Variants in PDE3A observed in about 807,000 individuals in gnomAD.
PDE3A encodes the protein cGMP-inhibited 3',5'-cyclic phosphodiesterase 3A.
In PDE3A, 43 loss-of-function variants were observed where a neutral mutation model predicts 98.3. The observed-to-expected ratio is 0.44, with a 90% CI of 0.34 to 0.56. The LOEUF is 0.56. Among genes scored for constraint, PDE3A ranks in the 20% least tolerant of loss-of-function variants. The pLI is 0.01. For synonymous variants in PDE3A, 663 were observed against 567.9 expected (o/e 1.17, Z -2.38); for missense variants, 1,427 against 1,440.7 (o/e 0.99, Z 0.15).
intron 1 of PDE3A, among the ~76,000 whole-genome samples, chr12:20,410,078 C>CCA (rs1944306106): frequency 1.3e-5 from 2 of 152,190 alleles, no homozygotes; most frequent in African/African-American, 4.8e-5. Context: ...CCAAGTCTTG[C>CCA]TGTCCCCAGG....
intron 5 of PDE3A, among the ~76,000 whole-genome samples, chr12:20,626,904 G>A (rs1015389875): frequency 6.6e-6 from 1 of 152,142 alleles, no homozygotes; most frequent in Non-Finnish European, 1.5e-5. Context: ...TAAATTTGAT[G>A]TCTTAAAATC....
Position 20,652,412 on chromosome 12 carries a change from A to G in PDE3A, c.2926-1535A>G, listed in dbSNP as rs540900560. Reference sequence around the variant, plus strand: ...AGTGTAAAAGTGTTCCTATTTCTCCACATCCTCTCCAGCACCTGTTGTTTC... The same window carrying G: ...AGTGTAAAAGTGTTCCTATTTCTCCGCATCCTCTCCAGCACCTGTTGTTTC... On this transcript the variant is annotated intron_variant, in intron 14 of 15. Transcript: ENST00000359062. Among the ~76,000 whole-genome samples, 287 of 152,252 alleles carry G rather than the reference A, an allele frequency of 1.9e-3. 6 individuals carry two copies. Among genetic ancestry groups the G allele is most frequent in the Non-Finnish European group, 5.7e-4 (39 of 68,010 alleles).
chr12:20,665,866 T>C (rs2120370031), intron 15 of PDE3A, among the ~76,000 whole-genome samples: 1 of 152,238 alleles, frequency 6.6e-6, no homozygotes. Context: ...TACATATTTA[T>C]GTGGGGCACA....
chr12:20,490,574 C>T (rs1945809997), intron 1 of PDE3A, among the ~76,000 whole-genome samples: 4 of 152,046 alleles, frequency 2.6e-5, no homozygotes, highest in African/African-American at 7.2e-5. Context: ...ACTTAGACTC[C>T]AGTCCCCTAT....
intron 1 of PDE3A, among the ~76,000 whole-genome samples, chr12:20,439,767 G>A (rs573615875): frequency 9.9e-5 from 15 of 151,810 alleles, no homozygotes; most frequent in South Asian, 2.1e-4. Flanking sequence ...AAAGAAAATG[G>A]GACACCCTCC....
At chr12:20,654,660 CTTTTT>C (rs71442265) in intron 15 of PDE3A, among the ~76,000 whole-genome samples, 4 of 85,856 alleles carry the variant, frequency 4.7e-5, no homozygotes, top group African/African-American at 9.0e-5. Context: ...CTACACCCGG[CTTTTT>C]TTTTTTTTTT....
At position 20,681,127 on chromosome 12, in the gene PDE3A, G is replaced by C. The variant is rs1945771896; in HGVS notation, c.*856G>C. On this transcript the variant is annotated 3_prime_UTR_variant, in exon 16 of 16. Transcript: ENST00000359062. ...GCTGGGTGAGAGGGCCACGTGTTTG[G>C]TATTACATTACTGCTATGCACCACT... The C allele has an allele frequency of 1.3e-5, 2 of 152,074 alleles. No individual in the cohort carries two copies. Among genetic ancestry groups the C allele is most frequent in the Middle Eastern group, 3.4e-3 (1 of 294 alleles). The allele number at this position is 152,074 out of a possible 1,614,324, so 9.4% of individuals were successfully genotyped here.
At position 20,630,068 on chromosome 12, in the gene PDE3A, C is replaced by T; in HGVS notation, c.1701C>T (p.Tyr567=). Residue 567 remains tyrosine, a synonymous_variant, in exon 6 of 16, where the codon TAC becomes TAT. Transcript: ENST00000359062. The stretch of plus-strand genomic sequence containing the variant: ...TAGGTTCTCACAGGGCCTTAACTTA[C>T]ACTCAGAGTGCCCCAGACCTATCCC... The part of the protein sequence containing the change: ...QSLGSHRALT[Y]TQSAPDLSPQ... The T allele has an allele frequency of 6.2e-6, 10 of 1,613,956 alleles. No individual in the cohort carries two copies. The highest frequency in any genetic ancestry group is 6.8e-6 in the Non-Finnish European group (8 of 1,179,894).
chr12:20,369,960 C>G lies in PDE3A; in HGVS notation c.676C>G (p.Leu226Val). 3 of 1,613,502 alleles carry G rather than the reference C, an allele frequency of 1.9e-6. No homozygotes were observed. The highest frequency in any genetic ancestry group is 2.5e-6 in the Non-Finnish European group (3 of 1,180,002). ...GACTAGCGCGGTCAGGACCGTGTCCCTCATTTCCTTAGAGAGGTTCAAGGT... is the reference window on the plus strand; with the variant it reads ...GACTAGCGCGGTCAGGACCGTGTCCGTCATTTCCTTAGAGAGGTTCAAGGT... The part of the protein sequence containing the change: ...ALTSAVRTVS[L>V]ISLERFKVAW... Residue 226 changes from leucine to valine, a missense_variant, in exon 1 of 16, where the codon CTC becomes GTC. Transcript: ENST00000359062.
intron 1 of PDE3A, among the ~76,000 whole-genome samples, chr12:20,406,033 C>CA (rs1318286352): frequency 6.6e-6 from 1 of 152,156 alleles, no homozygotes; most frequent in Non-Finnish European, 1.5e-5. Context: ...CCATGTTGTG[C>CA]AAATAGTAGG....
chr12:20,404,171 T>C (rs1944186037), intron 1 of PDE3A, among the ~76,000 whole-genome samples: 1 of 152,198 alleles, frequency 6.6e-6, no homozygotes, highest in Non-Finnish European at 1.5e-5. Context: ...TCATATGGTA[T>C]ATTAATAGGA....
chr12:20,394,801 T>C (rs978869184), intron 1 of PDE3A, among the ~76,000 whole-genome samples: 3 of 151,988 alleles, frequency 2.0e-5, no homozygotes, highest in African/African-American at 7.2e-5. Context: ...TGCCTGAAGA[T>C]ATTATTTAGT....
At chr12:20,553,040 GC>G (rs1942259151) in intron 1 of PDE3A, 1 of 1,397,722 alleles carries the variant, frequency 7.2e-7, no homozygotes. Context: ...CAGGCGTTTT[GC>G]TGAAAACGTG....
intron 15 of PDE3A, among the ~76,000 whole-genome samples, chr12:20,671,183 G>A (rs1219094197): frequency 6.8e-6 from 1 of 147,594 alleles, no homozygotes; most frequent in Non-Finnish European, 1.5e-5. Flanking sequence ...CCAATAACAG[G>A]ATCTGAAATT....
intron 1 of PDE3A, among the ~76,000 whole-genome samples, chr12:20,433,777 A>G (rs1944736699): frequency 1.3e-5 from 2 of 152,134 alleles, no homozygotes; most frequent in South Asian, 2.1e-4. Context: ...CTCTGTCACA[A>G]TTTTGCCTTC....
At chr12:20,503,561 A>G (rs181103828) in intron 1 of PDE3A, among the ~76,000 whole-genome samples, 1 of 152,102 alleles carries the variant, frequency 6.6e-6, no homozygotes. Flanking sequence ...CATATAAATT[A>G]TATAGATGCA....
At chr12:20,553,013 C>G in intron 1 of PDE3A, 2 of 1,533,990 alleles carry the variant, frequency 1.3e-6, no homozygotes, top group South Asian at 2.3e-5. Flanking sequence ...GGCCGGTGAT[C>G]TCCAAGCACT....
At chr12:20,535,834 TAA>T (rs1941735624) in intron 1 of PDE3A, among the ~76,000 whole-genome samples, 1 of 152,148 alleles carries the variant, frequency 6.6e-6, no homozygotes, top group African/African-American at 2.4e-5. Flanking sequence ...ATTCGATTAA[TAA>T]AATATGTTTT....
At chr12:20,380,744 C>T (rs542822168) in intron 1 of PDE3A, among the ~76,000 whole-genome samples, 3 of 151,832 alleles carry the variant, frequency 2.0e-5, no homozygotes, top group African/African-American at 4.8e-5. Context: ...TGACAACTTC[C>T]AGAGTTTGAG....
Sources: gnomAD v4.1 joint callset for allele counts (sites outside exome capture counted in the v4.1 genomes callset) on GRCh38, gnomAD v4.1.1 for gene constraint, MANE v1.5 for transcripts, NCBI Gene and HGNC (gene_info 2026-07-23, HGNC 2026-07-21) for gene names.